The following CACNA1E variants were observed in gnomAD, a reference collection of about 807,000 sequenced individuals.
CACNA1E encodes the protein voltage-dependent R-type calcium channel subunit alpha-1E.
Under a neutral mutation model 259.2 loss-of-function variants are expected in CACNA1E, and 40 were observed. That is an observed-to-expected ratio of 0.15 (90% CI 0.12 to 0.20). The LOEUF is 0.20. Ranked by LOEUF, CACNA1E falls within the 10% of genes least tolerant of loss-of-function variation. The pLI is 1.00. For synonymous variants in CACNA1E, 1,104 were observed against 1,138.5 expected (o/e 0.97, Z 0.61); for missense variants, 1,874 against 3,040.1 (o/e 0.62, Z 9.02).
chr1:181,664,486 G>A (rs1347779783), intron 7 of CACNA1E, among the ~76,000 whole-genome samples: 2 of 152,150 alleles, frequency 1.3e-5, no homozygotes, highest in African/African-American at 4.8e-5. Flanking sequence ...TTATTAGGAA[G>A]AAGTACAATC....
chr1:181,506,243 G>C (rs4126691), intron 1 of CACNA1E, among the ~76,000 whole-genome samples: 2 of 152,222 alleles, frequency 1.3e-5, no homozygotes, highest in African/African-American at 4.8e-5. Flanking sequence ...AGGTTGAGGG[G>C]CACTAGCTTG....
At chr1:181,577,999 T>C (rs1171781252) in intron 4 of CACNA1E, 130 bp downstream of exon 4, 3 of 538,128 alleles carry the variant, frequency 5.6e-6, no homozygotes, top group East Asian at 3.2e-5. Context: ...TGGTAATAAA[T>C]AGTGGAGATG....
intron 7 of CACNA1E, among the ~76,000 whole-genome samples, chr1:181,703,576 C>T (rs1315914470): frequency 6.6e-6 from 1 of 152,256 alleles, no homozygotes; most frequent in South Asian, 2.1e-4. Flanking sequence ...TGTGTCTACT[C>T]AAACAAATAA....
chr1:181,328,247 G>C (rs1650954199), intron 1 of CACNA1E, among the ~76,000 whole-genome samples: 3 of 152,080 alleles, frequency 2.0e-5, no homozygotes, highest in Admixed American at 2.0e-4. Flanking sequence ...GTCCTCACAT[G>C]GTGGAAAGGT....
At chr1:181,399,831 G>A (rs1334826255) in intron 1 of CACNA1E, among the ~76,000 whole-genome samples, 3 of 152,200 alleles carry the variant, frequency 2.0e-5, no homozygotes. Flanking sequence ...GGAATTTACT[G>A]TTAAAATAGT....
chr1:181,651,501 C>A, intron 7 of CACNA1E, 60 bp downstream of exon 7: 2 of 1,145,410 alleles, frequency 1.7e-6, no homozygotes, highest in Non-Finnish European at 2.6e-6. Flanking sequence ...TAAACTAATG[C>A]CTCCTGACTC....
chr1:181,647,413 T>G (rs962983522), intron 6 of CACNA1E, among the ~76,000 whole-genome samples: 1 of 152,184 alleles, frequency 6.6e-6, no homozygotes, highest in African/African-American at 2.4e-5. Flanking sequence ...TCACAGAAGT[T>G]GGGGGGGATG....
chr1:181,390,329 A>ATTTATTTATTTG lies in CACNA1E; in HGVS notation c.-14-22801_-14-22800insATTTATTTGTTT, dbSNP rs113119746. Among the ~76,000 whole-genome samples the ATTTATTTATTTG allele has an allele frequency of 5.3e-5, 8 of 151,332 alleles. No individual in the cohort carries two copies. In the East Asian group the frequency reaches 9.7e-4, roughly 18 times the overall value. On this transcript the variant is annotated intron_variant, in intron 1 of 11. Transcript: ENST00000524607. ...TATTTATTTATTTATTTATTTATTT[A>ATTTATTTATTTG]TTTGTTTTTTATGAGAAGTTAGGAA...
intron 2 of CACNA1E, among the ~76,000 whole-genome samples, chr1:181,465,888 T>C (rs1662121503): frequency 6.6e-6 from 1 of 151,740 alleles, no homozygotes; most frequent in Admixed American, 6.6e-5. Flanking sequence ...GGAAATGCAG[T>C]GTACTCAGGA....
At chr1:181,695,253 G>A (rs1468396162) in intron 7 of CACNA1E, among the ~76,000 whole-genome samples, 16 of 152,066 alleles carry the variant, frequency 1.1e-4, no homozygotes, top group Admixed American at 7.9e-4. Flanking sequence ...GAGAGACATG[G>A]TATCTTTATG....
intron 39 of CACNA1E, among the ~76,000 whole-genome samples, chr1:181,782,878 C>T (rs1010429687): frequency 7.2e-5 from 11 of 152,058 alleles, no homozygotes; most frequent in Non-Finnish European, 1.0e-4. Flanking sequence ...AGAAGGGGAG[C>T]GGGGATTGGA....
At chr1:181,480,106 C>T (rs970888432), upstream of CACNA1E, among the ~76,000 whole-genome samples, 1 of 151,868 alleles carries the variant, frequency 6.6e-6, no homozygotes, top group South Asian at 2.1e-4. Context: ...GTGAGACCGT[C>T]GTCTCTATAA....
chr1:181,712,582 G>A (rs1342991766), intron 8 of CACNA1E, among the ~76,000 whole-genome samples: 2 of 152,176 alleles, frequency 1.3e-5, no homozygotes, highest in Non-Finnish European at 2.9e-5. Context: ...GCACTCCCTT[G>A]TAGCCTCTGG....
chr1:181,389,238 G>C (rs954103359), intron 1 of CACNA1E, among the ~76,000 whole-genome samples: 1 of 152,110 alleles, frequency 6.6e-6, no homozygotes, highest in Non-Finnish European at 1.5e-5. Flanking sequence ...TACTATGTTT[G>C]GGGCCATTTT....
At chr1:181,346,020 G>C (rs554178793) in intron 1 of CACNA1E, among the ~76,000 whole-genome samples, 1 of 152,212 alleles carries the variant, frequency 6.6e-6, no homozygotes, top group African/African-American at 2.4e-5. Context: ...CCAACCGGAC[G>C]TGCAAGATTG....
chr1:181,471,799 A>G (rs895694884), intron 2 of CACNA1E, among the ~76,000 whole-genome samples: 2 of 152,192 alleles, frequency 1.3e-5, no homozygotes, highest in Non-Finnish European at 2.9e-5. Context: ...AAATATAACA[A>G]TAATACCACC....
chr1:181,436,242 G>A (rs1309810745), intron 2 of CACNA1E, among the ~76,000 whole-genome samples: 1 of 152,192 alleles, frequency 6.6e-6, no homozygotes, highest in African/African-American at 2.4e-5. Context: ...GTAGAGAGAA[G>A]GAAATTCTTA....
intron 2 of CACNA1E, among the ~76,000 whole-genome samples, chr1:181,422,035 T>G (rs1160729364): frequency 6.6e-6 from 1 of 152,248 alleles, no homozygotes; most frequent in Non-Finnish European, 1.5e-5. Context: ...TATGCCTGTT[T>G]ATGTCTCTAC....
chr1:181,590,039 G>C (rs528399066), intron 6 of CACNA1E, among the ~76,000 whole-genome samples: 38 of 152,144 alleles, frequency 2.5e-4, no homozygotes, highest in Non-Finnish European at 4.7e-4. Context: ...TTCCATGCCT[G>C]TTGAAAACAA....
Sources: gnomAD v4.1 joint callset for allele counts (sites outside exome capture counted in the v4.1 genomes callset) on GRCh38, gnomAD v4.1.1 for gene constraint, MANE v1.5 for transcripts, NCBI Gene and HGNC (gene_info 2026-07-23, HGNC 2026-07-21) for gene names.